CCDC62: variants seen among roughly 807,000 people sequenced by gnomAD.
The protein encoded by CCDC62 is coiled-coil domain-containing protein 62.
CCDC62 carries 72 observed loss-of-function variants against 80.8 expected under a neutral mutation model. The observed-to-expected ratio is 0.89, with a 90% CI of 0.74 to 1.08. CCDC62 has a LOEUF of 1.08. Among genes scored for constraint, CCDC62 ranks in the 50% least tolerant of loss-of-function variants. The pLI is 0.00. For missense variants in CCDC62, 704 were observed against 809.4 expected (o/e 0.87, Z 1.58); for synonymous variants, 286 against 296.5 (o/e 0.96, Z 0.36).
chr12:122,777,596 GT>G lies in CCDC62; in HGVS notation c.144del (p.Ala49GlnfsTer18). 6.2e-7 allele frequency: 1 copy of G among 1,614,178 alleles called. No individual in the cohort carries two copies. Among genetic ancestry groups the G allele is most frequent in the Non-Finnish European group, 8.5e-7 (1 of 1,180,012 alleles). Reference protein sequence around the residue: ...KDRDKELNDMVAVHQQQLLSW... With the variant: ...KDRDKELNDMXAVHQQQLLSW... The stretch of plus-strand genomic sequence containing the variant: ...TCGAGATAAAGAGCTCAATGACATG[GT>G]TGCAGTGCACCAGCAACAGCTTCTT... On this transcript the variant is annotated frameshift_variant, in exon 2 of 13. Transcript: ENST00000253079. LOFTEE classifies it high-confidence loss of function.
At chr12:122,793,451 A>G (rs541614607) in intron 6 of CCDC62, among the ~76,000 whole-genome samples, 2 of 152,234 alleles carry the variant, frequency 1.3e-5, no homozygotes, top group South Asian at 4.1e-4. Flanking sequence ...GTGGAGAAGT[A>G]GGCCTTCACC....
chr12:122,811,209 CCTTTTTTTTTTTTTTTTTTCAGA>C (rs2031860006), intron 10 of CCDC62, among the ~76,000 whole-genome samples: 1 of 82,382 alleles, frequency 1.2e-5, no homozygotes, highest in Non-Finnish European at 2.6e-5. Flanking sequence ...AATTAAGTTT[CCTTTTTTTTTTTTTTTTTTCAGA>C]CGGAGTTTCA....
chr12:122,782,753 C>G (rs2029945079), intron 3 of CCDC62, among the ~76,000 whole-genome samples: 2 of 151,764 alleles, frequency 1.3e-5, no homozygotes, highest in Admixed American at 1.3e-4. Flanking sequence ...CCACTGTGCC[C>G]AGCCAATTAT....
Position 122,801,678 on chromosome 12 carries a change from G to T in CCDC62, c.1532G>T (p.Cys511Phe), listed in dbSNP as rs138584723. The T allele has an allele frequency of 1.2e-6, 2 of 1,614,100 alleles. No homozygotes were observed. Among genetic ancestry groups the T allele is most frequent in the Non-Finnish European group, 1.7e-6 (2 of 1,180,052 alleles). ...NEACLGESGM[C>F]DSKCCHPSNF... The stretch of plus-strand genomic sequence containing the variant: ...GCCTGTCTGGGCGAAAGTGGCATGT[G>T]TGACTCCAAGTGCTGCCACCCGAGT... Residue 511 changes from cysteine (C) to phenylalanine (F), a missense_variant, in exon 9 of 13, where the codon TGT becomes TTT. Transcript: ENST00000253079.
chr12:122,799,293 C>T lies in CCDC62; in HGVS notation c.977+1093C>T, dbSNP rs529579032. Among the ~76,000 whole-genome samples the T allele has an allele frequency of 3.1e-4, 47 of 152,242 alleles. No individual in the cohort carries two copies. The South Asian group carries it at 9.1e-3, about 30-fold the overall frequency. ...ATAGACACTACAGAGATGAATCATT[C>T]ATTCATCCATCCATCCATCCATCCG... On this transcript the variant is annotated intron_variant, in intron 8 of 12. Coordinates refer to ENST00000253079, the MANE Select transcript of CCDC62 (RefSeq NM_201435.5).
chr12:122,812,772 AGAGAG>A (rs1566086547), intron 10 of CCDC62, among the ~76,000 whole-genome samples: 36 of 98,690 alleles, frequency 3.6e-4, no homozygotes, highest in African/African-American at 1.6e-3. Context: ...AGAGAGAGAG[AGAGAG>A]AGAAAGAAAG....
At chr12:122,800,247 G>T (rs915752110) in intron 8 of CCDC62, among the ~76,000 whole-genome samples, 99 of 128,944 alleles carry the variant, frequency 7.7e-4, no homozygotes, top group Admixed American at 6.8e-4. Flanking sequence ...GACCTTCATT[G>T]CCTCTAGGAG....
At chr12:122,798,546 T>G (rs2031103941) in intron 8 of CCDC62, among the ~76,000 whole-genome samples, 1 of 152,054 alleles carries the variant, frequency 6.6e-6, no homozygotes, top group East Asian at 1.9e-4. Context: ...GAGGTTGCAG[T>G]GAGCCGAGAT....
At chr12:122,810,516 A>C (rs2031822421) in intron 10 of CCDC62, among the ~76,000 whole-genome samples, 1 of 151,262 alleles carries the variant, frequency 6.6e-6, no homozygotes, top group Non-Finnish European at 1.5e-5. Flanking sequence ...AAAGTCAGGA[A>C]ACAGCAGGTG....
intron 4 of CCDC62, among the ~76,000 whole-genome samples, chr12:122,787,273 C>T (rs367692619): frequency 3.7e-4 from 56 of 152,068 alleles, no homozygotes; most frequent in East Asian, 1.2e-3. Flanking sequence ...CATGGTGAAA[C>T]CCCTGTCTTT....
intron 9 of CCDC62, among the ~76,000 whole-genome samples, chr12:122,802,872 T>A (rs1052719673): frequency 1.4e-4 from 21 of 152,036 alleles, no homozygotes; most frequent in Admixed American, 5.3e-4. Flanking sequence ...ACAAAAAAAA[T>A]TTTTTAATTT....
At chr12:122,776,884 C>T (rs1032071281) in intron 1 of CCDC62, 2 of 152,384 alleles carry the variant, frequency 1.3e-5, no homozygotes, top group African/African-American at 4.8e-5. Flanking sequence ...CAACCTCTGC[C>T]TCCAGGGTTC....
rs779203277 is a variant in CCDC62 at position 122,777,777 on chromosome 12, A to C, written c.229+94A>C. On this transcript the variant is annotated intron_variant, in intron 2 of 12. Coordinates refer to ENST00000253079, the MANE Select transcript of CCDC62 (RefSeq NM_201435.5). Reference sequence around the variant, plus strand: ...AAGATAGAGAGGAAGTAAAGACTGCAATCCCTGTTGTCCTCAAGTTTAGGC... The same window carrying C: ...AAGATAGAGAGGAAGTAAAGACTGCCATCCCTGTTGTCCTCAAGTTTAGGC... The C allele has an allele frequency of 5.1e-6, 6 of 1,184,494 alleles. No individual in the cohort carries two copies. The East Asian group carries it at 1.4e-4, about 29-fold the overall frequency. The allele number at this position is 1,184,494 out of a possible 1,614,324, so 73.4% of individuals were successfully genotyped here. A position where few individuals can be genotyped will look rare whatever the true frequency, so the allele number is the denominator to read the frequency against.
chr12:122,807,048 T>C (rs909923634), intron 10 of CCDC62, among the ~76,000 whole-genome samples: 3 of 151,972 alleles, frequency 2.0e-5, no homozygotes, highest in Non-Finnish European at 2.9e-5. Flanking sequence ...TACAGACTAA[T>C]GTGTGGTAAA....
intron 10 of CCDC62, among the ~76,000 whole-genome samples, chr12:122,807,320 T>G (rs2031661275): frequency 6.6e-6 from 1 of 151,318 alleles, no homozygotes; most frequent in African/African-American, 2.4e-5. Flanking sequence ...TAACCTGAGG[T>G]CAGGAGTTCG....
At chr12:122,788,997 C>T (rs1273612759) in intron 5 of CCDC62, 68 bp downstream of exon 5, 1 of 1,259,366 alleles carries the variant, frequency 7.9e-7, no homozygotes, top group Non-Finnish European at 1.1e-6. Context: ...CATCTGGGTT[C>T]ACTTAATCTT....
chr12:122,819,793 A>G (rs954377292), intron 11 of CCDC62, among the ~76,000 whole-genome samples: 4 of 152,216 alleles, frequency 2.6e-5, no homozygotes, highest in Admixed American at 1.3e-4. Context: ...AGTGGCTCAC[A>G]CCTGTAATCC....
At chr12:122,824,934 A>G (rs549798475) in intron 12 of CCDC62, among the ~76,000 whole-genome samples, 20 of 151,718 alleles carry the variant, frequency 1.3e-4, no homozygotes, top group Non-Finnish European at 2.7e-4. Context: ...AAAATACAAA[A>G]AATTAGCTGG....
intron 4 of CCDC62, 146 bp downstream of exon 4, chr12:122,785,966 G>A (rs1052971976): frequency 1.6e-6 from 1 of 616,316 alleles, no homozygotes; most frequent in Non-Finnish European, 2.9e-6. Flanking sequence ...TAGAAATGAG[G>A]GAAACAAGTT....
Sources: allele counts gnomAD v4.1 joint callset (sites outside exome capture counted in the v4.1 genomes callset), GRCh38; gene constraint gnomAD v4.1.1; transcripts MANE v1.5; gene names NCBI Gene and HGNC (gene_info 2026-07-23, HGNC 2026-07-21).